TP63: variants seen among roughly 807,000 people sequenced by gnomAD.
TP63 encodes tumor protein 63.
Under a neutral mutation model 82.8 loss-of-function variants are expected in TP63, and 17 were observed. The ratio of observed to expected loss-of-function variants is 0.21; its 90% CI spans 0.14 to 0.31. TP63 has a LOEUF of 0.31. Among genes scored for constraint, TP63 ranks in the 10% least tolerant of loss-of-function variants. TP63 has a pLI of 1.00. For missense variants in TP63, 648 were observed against 895.3 expected, an observed-to-expected ratio of 0.72 and a Z score of 3.52; for synonymous variants, 330 against 321.7, an observed-to-expected ratio of 1.03 and a Z score of -0.28.
the TP63 span, among the ~76,000 whole-genome samples, chr3:189,610,447 A>G: frequency 3.9e-5 from 6 of 152,202 alleles, no homozygotes; most frequent in Non-Finnish European, 8.8e-5. Flanking sequence ...TCTCTAGGGC[A>G]GGGGCAAAAT....
At chr3:189,713,986 C>G (rs76968228) in intron 1 of TP63, among the ~76,000 whole-genome samples, 8,834 of 152,100 alleles carry the variant, frequency 0.058, 368 homozygotes, top group Non-Finnish European at 0.086. Flanking sequence ...CTCCAAAGTA[C>G]GGTTTTAATA....
At chr3:189,869,920 A>G (rs1343063559) in intron 9 of TP63, among the ~76,000 whole-genome samples, 4 of 152,050 alleles carry the variant, frequency 2.6e-5, no homozygotes, top group East Asian at 3.9e-4. Flanking sequence ...AAGGAGAGAA[A>G]ATATGTGTTT....
At chr3:189,861,256 ATTTTCT>A (rs903871139) in intron 4 of TP63, among the ~76,000 whole-genome samples, 1 of 151,834 alleles carries the variant, frequency 6.6e-6, no homozygotes, top group African/African-American at 2.4e-5. Context: ...ATGATACTTG[ATTTTCT>A]TTTTCTGAGT....
Position 189,762,442 on chromosome 3 carries a change from C to T in TP63, c.324+23668C>T, listed in dbSNP as rs184696181. 1.6e-4 allele frequency among the ~76,000 whole-genome samples: 24 copies of T among 152,106 alleles called. No individual in the cohort carries two copies. In the East Asian group the frequency reaches 3.9e-3, roughly 24 times the overall value. ...AAAAGGTCAGAGTTTAGTCCTCAGGCCCAAAGGTATACAGCTATAATGACA... is the reference window on the plus strand; with the variant it reads ...AAAAGGTCAGAGTTTAGTCCTCAGGTCCAAAGGTATACAGCTATAATGACA... On this transcript the variant is annotated intron_variant, in intron 3 of 13. Coordinates refer to ENST00000264731, the MANE Select transcript of TP63 (RefSeq NM_003722.5).
At chr3:189,831,979 G>A (rs1342194715) in intron 4 of TP63, among the ~76,000 whole-genome samples, 1 of 151,574 alleles carries the variant, frequency 6.6e-6, no homozygotes, top group Non-Finnish European at 1.5e-5. Context: ...TTATAGGCAT[G>A]CACCACCACT....
At chr3:189,851,198 T>C (rs1715580228) in intron 4 of TP63, among the ~76,000 whole-genome samples, 1 of 152,140 alleles carries the variant, frequency 6.6e-6, no homozygotes, top group Non-Finnish European at 1.5e-5. Flanking sequence ...GTGGCCAAAA[T>C]GTGGGTTAGA....
At chr3:189,739,022 A>T in intron 3 of TP63, 1 of 541,138 alleles carries the variant, frequency 1.8e-6, no homozygotes, top group South Asian at 2.1e-5. Flanking sequence ...TTTTATCTTG[A>T]TTGTTCCTCA....
rs1047476234 is a variant in TP63, at chr3:189,729,742, G to GA, written c.63-7989dup. ...TGAAAAGGAAAGATTTCCATCTAAG[G>GA]AAAAAAAAAGATGCTAATGGGCTTA... On this transcript the variant is annotated intron_variant, in intron 1 of 13. Coordinates refer to ENST00000264731, the MANE Select transcript of TP63 (RefSeq NM_003722.5). 9.3e-5 allele frequency among the ~76,000 whole-genome samples: 14 copies of GA among 150,928 alleles called. No individual in the cohort carries two copies. In the East Asian group the frequency reaches 9.7e-4, roughly 10 times the overall value.
intron 1 of TP63, among the ~76,000 whole-genome samples, chr3:189,644,056 T>C (rs1712174332): frequency 6.6e-6 from 1 of 152,182 alleles, no homozygotes; most frequent in African/African-American, 2.4e-5. Flanking sequence ...TCCCACAATG[T>C]TGTCTTACAG....
At position 189,875,589 on chromosome 3, in the gene TP63, CATACATATATATATATATAT is replaced by C. The variant is rs1272480359; in HGVS notation, c.1349+2598_1349+2617del. On this transcript the variant is annotated intron_variant, in intron 10 of 13. Coordinates refer to ENST00000264731, the MANE Select transcript of TP63 (RefSeq NM_003722.5). ...TCAAAAAGAAAAAGAAAAAAAAATA[CATACATATATATATATATAT>C]ATATATATATATATATATATATATA... 5.3e-3 allele frequency among the ~76,000 whole-genome samples: 234 copies of C among 44,422 alleles called. 24 individuals carry two copies. The highest frequency in any genetic ancestry group is 9.8e-3 in the Middle Eastern group (1 of 102). The allele number at this position is 44,422 out of a possible 152,430, so 29.1% of individuals were successfully genotyped here.
intron 4 of TP63, among the ~76,000 whole-genome samples, chr3:189,840,439 A>C (rs1713902665): frequency 7.3e-6 from 1 of 136,686 alleles, no homozygotes; most frequent in East Asian, 2.1e-4. Context: ...AGTATTAAAC[A>C]CTTTGTTTTA....
intron 1 of TP63, among the ~76,000 whole-genome samples, chr3:189,673,985 G>C (rs1577216104): frequency 6.6e-6 from 1 of 152,136 alleles, no homozygotes; most frequent in African/African-American, 2.4e-5. Flanking sequence ...TAGCAATAAA[G>C]AAACCATAGG....
the TP63 span, among the ~76,000 whole-genome samples, chr3:189,617,110 A>G: frequency 1.3e-5 from 2 of 152,180 alleles, no homozygotes; most frequent in Non-Finnish European, 1.5e-5. Flanking sequence ...AGGAATCTAA[A>G]TCTTCATGGG....
intron 1 of TP63, among the ~76,000 whole-genome samples, chr3:189,644,404 T>G (rs1712212890): frequency 6.6e-6 from 1 of 152,180 alleles, no homozygotes; most frequent in Non-Finnish European, 1.5e-5. Flanking sequence ...CATAATGTAT[T>G]TTGTGCATAT....
chr3:189,864,335 T>C lies in TP63; in HGVS notation c.683T>C (p.Met228Thr), dbSNP rs1363677860. ...CCTCAGGGAGCTGTTATCCGCGCCA[T>C]GCCTGTCTACAAAAAAGCTGAGCAC... is the stretch of plus-strand genomic sequence containing the variant. ...PPPQGAVIRA[M>T]PVYKKAEHVT... Residue 228 changes from methionine (M) to threonine (T), a missense_variant, in exon 5 of 14, where the codon ATG becomes ACG. Around this residue, in one of 5 missense-constraint regions of TP63, gnomAD observed 64 missense variants for 144.2 expected, o/e 0.44. Transcript: ENST00000264731. 1.2e-6 allele frequency: 2 copies of C among 1,614,130 alleles called. No individual in the cohort carries two copies. The highest frequency in any genetic ancestry group is 1.1e-5 in the South Asian group (1 of 91,076).
chr3:189,650,492 C>A (rs1459158902), intron 1 of TP63, among the ~76,000 whole-genome samples: 1 of 146,202 alleles, frequency 6.8e-6, no homozygotes, highest in Non-Finnish European at 1.5e-5. Context: ...CAGTTTCCCC[C>A]ATCCTGTTCT....
intron 3 of TP63, among the ~76,000 whole-genome samples, chr3:189,772,440 C>A (rs1374976672): frequency 6.6e-6 from 1 of 152,182 alleles, no homozygotes; most frequent in Non-Finnish European, 1.5e-5. Flanking sequence ...TGTATAAAAT[C>A]TCTTGAAACT....
At chr3:189,605,733 T>C in the TP63 span, among the ~76,000 whole-genome samples, 2 of 152,146 alleles carry the variant, frequency 1.3e-5, no homozygotes. Context: ...TAAAATAATG[T>C]GTTTAAAATT....
chr3:189,648,642 G>A lies in TP63; in HGVS notation c.62+17065G>A, dbSNP rs1009848915. 1.4e-5 allele frequency among the ~76,000 whole-genome samples: 2 copies of A among 147,178 alleles called. 1 individual carries two copies. Among genetic ancestry groups the A allele is most frequent in the African/African-American group, 5.1e-5 (2 of 39,282 alleles). On this transcript the variant is annotated intron_variant, in intron 1 of 13. Coordinates refer to ENST00000264731, the MANE Select transcript of TP63 (RefSeq NM_003722.5). Reference sequence around the variant, plus strand: ...AGGATAAATGAATCTTAACAGGATTGAGTAATTAACTCCAAATCACAAAGC... The same window carrying A: ...AGGATAAATGAATCTTAACAGGATTAAGTAATTAACTCCAAATCACAAAGC...
Sources: gnomAD v4.1 joint callset for allele counts (sites outside exome capture counted in the v4.1 genomes callset) on GRCh38, gnomAD v4.1.1 for gene constraint, gnomAD v4.1.1 regional missense constraint, MANE v1.5 for transcripts, NCBI Gene and HGNC (gene_info 2026-07-23, HGNC 2026-07-21) for gene names.